GULP1: variants seen among roughly 807,000 people sequenced by gnomAD.
The protein encoded by GULP1 is GULP PTB domain containing engulfment adaptor 1.
Under a neutral mutation model 40.9 loss-of-function variants are expected in GULP1, and 19 were observed. That is an observed-to-expected ratio of 0.46 (90% CI 0.32 to 0.68). The LOEUF (loss-of-function observed/expected upper bound fraction) is 0.68, where lower values mean the gene tolerates loss of function less well. Among genes scored for constraint, GULP1 ranks in the 30% least tolerant of loss-of-function variants. The probability of loss-of-function intolerance (pLI) is 0.03; values close to 1 mark genes in which losing one functional copy is unlikely to be tolerated. For missense variants in GULP1, 312 were observed against 362.2 expected (o/e 0.86, Z 1.12); for synonymous variants, 119 against 117.6 (o/e 1.01, Z -0.08).
intron 1 of GULP1, among the ~76,000 whole-genome samples, chr2:188,328,576 G>A (rs1490779217): frequency 6.6e-6 from 1 of 152,128 alleles, no homozygotes; most frequent in African/African-American, 2.4e-5. Flanking sequence ...AAGTAAAACA[G>A]ATGTTTGCTC....
At chr2:188,353,110 C>G (rs1028460013) in intron 1 of GULP1, among the ~76,000 whole-genome samples, 2 of 152,062 alleles carry the variant, frequency 1.3e-5, no homozygotes, top group Non-Finnish European at 2.9e-5. Context: ...CAAAGTAACA[C>G]ATTCTTTGAG....
chr2:188,561,975 C>T (rs796888475), intron 7 of GULP1, among the ~76,000 whole-genome samples: 2 of 152,318 alleles, frequency 1.3e-5, no homozygotes, highest in African/African-American at 4.8e-5. Flanking sequence ...CCGGCAGCTA[C>T]AGCCAATGCC....
At chr2:188,366,255 C>T (rs1330605532) in intron 1 of GULP1, among the ~76,000 whole-genome samples, 2 of 152,018 alleles carry the variant, frequency 1.3e-5, no homozygotes, top group East Asian at 3.9e-4. Context: ...AGCCCCCAAA[C>T]ACCCCATAAA....
intron 2 of GULP1, among the ~76,000 whole-genome samples, chr2:188,392,987 G>T (rs907457757): frequency 6.6e-6 from 1 of 152,026 alleles, no homozygotes; most frequent in East Asian, 1.9e-4. Flanking sequence ...ATTAAGAATT[G>T]TTCTGTGGCC....
At chr2:188,587,974 A>G in intron 11 of GULP1, 25 bp downstream of exon 11, 1 of 1,112,964 alleles carries the variant, frequency 9.0e-7, no homozygotes, top group Non-Finnish European at 1.4e-6. Context: ...AGACTGGCCC[A>G]TAAATGATTT....
chr2:188,495,623 A>G (rs904083207), intron 4 of GULP1, among the ~76,000 whole-genome samples: 2 of 152,064 alleles, frequency 1.3e-5, no homozygotes, highest in Non-Finnish European at 2.9e-5. Context: ...AAATGAATTA[A>G]AAGTGGACAC....
intron 4 of GULP1, among the ~76,000 whole-genome samples, chr2:188,517,110 A>G (rs1306331981): frequency 6.6e-6 from 1 of 152,146 alleles, no homozygotes; most frequent in African/African-American, 2.4e-5. Context: ...TGCATTTAAT[A>G]AAACATTATT....
At chr2:188,396,191 C>T (rs554912769) in intron 2 of GULP1, among the ~76,000 whole-genome samples, 1 of 152,330 alleles carries the variant, frequency 6.6e-6, no homozygotes. Context: ...AGGGGAAGTA[C>T]TCTGGTTTCT....
At chr2:188,461,357 G>A (rs999076059) in intron 2 of GULP1, among the ~76,000 whole-genome samples, 1 of 100,576 alleles carries the variant, frequency 9.9e-6, no homozygotes, top group Non-Finnish European at 1.9e-5. Context: ...TTTTGCTCTT[G>A]TTGCCCAGGC....
intron 2 of GULP1, among the ~76,000 whole-genome samples, chr2:188,475,393 G>A (rs1160987501): frequency 6.6e-6 from 1 of 150,938 alleles, no homozygotes; most frequent in African/African-American, 2.4e-5. Flanking sequence ...TATGTGAAGA[G>A]TTTTTTTTTG....
chr2:188,419,567 T>A (rs905706205), intron 2 of GULP1, among the ~76,000 whole-genome samples: 12 of 152,128 alleles, frequency 7.9e-5, no homozygotes, highest in African/African-American at 2.4e-4. Flanking sequence ...TTTTTTTTTT[T>A]AATATTGAGT....
intron 6 of GULP1, among the ~76,000 whole-genome samples, chr2:188,540,127 T>C (rs541287755): frequency 6.6e-6 from 1 of 152,222 alleles, no homozygotes; most frequent in South Asian, 2.1e-4. Context: ...GAACTGACTT[T>C]CTGATTGATA....
chr2:188,520,791 G>C (rs953235508), intron 4 of GULP1, among the ~76,000 whole-genome samples: 2 of 152,086 alleles, frequency 1.3e-5, no homozygotes, highest in Admixed American at 1.3e-4. Flanking sequence ...TAATTCGCTT[G>C]CCCTACCTCT....
At chr2:188,404,720 G>C (rs1456623550) in intron 2 of GULP1, among the ~76,000 whole-genome samples, 1 of 152,146 alleles carries the variant, frequency 6.6e-6, no homozygotes, top group Non-Finnish European at 1.5e-5. Flanking sequence ...ACTGGTCCCA[G>C]CAGCCCTGGG....
intron 2 of GULP1, among the ~76,000 whole-genome samples, chr2:188,435,996 C>A (rs546210543): frequency 6.6e-6 from 1 of 152,188 alleles, no homozygotes; most frequent in South Asian, 2.1e-4. Flanking sequence ...AACTCAAAAT[C>A]AACTGTTTTG....
Position 188,296,841 on chromosome 2 carries a change from T to C in GULP1, c.-172+4675T>C, listed in dbSNP as rs191715016. ...ATGTACCTATACATCAGCTGTATCA[T>C]ATACCTCCTGATGAAGAAGTTCAGA... On this transcript the variant is annotated intron_variant, in intron 1 of 11. Coordinates refer to ENST00000409830, the MANE Select transcript of GULP1 (RefSeq NM_016315.4). 5.3e-4 allele frequency among the ~76,000 whole-genome samples: 81 copies of C among 152,200 alleles called. 1 individual carries two copies. The highest frequency in any genetic ancestry group is 1.8e-3 in the African/African-American group (76 of 41,570).
At chr2:188,568,456 G>GAT (rs1241667287) in intron 7 of GULP1, among the ~76,000 whole-genome samples, 1 of 152,150 alleles carries the variant, frequency 6.6e-6, no homozygotes, top group African/African-American at 2.4e-5. Context: ...TGAGCTTGTG[G>GAT]ATGTAAGATA....
intron 7 of GULP1, among the ~76,000 whole-genome samples, chr2:188,563,753 T>C (rs2153418015): frequency 6.6e-6 from 1 of 151,974 alleles, no homozygotes; most frequent in Middle Eastern, 3.4e-3. Flanking sequence ...ATTAAGAGAA[T>C]AAAGTTACAG....
chr2:188,472,400 A>G (rs1017731716), intron 2 of GULP1, among the ~76,000 whole-genome samples: 1 of 152,114 alleles, frequency 6.6e-6, no homozygotes, highest in East Asian at 1.9e-4. Flanking sequence ...TTTAAGGCCA[A>G]TTAACACTTA....
Sources: allele counts gnomAD v4.1 joint callset (sites outside exome capture counted in the v4.1 genomes callset), GRCh38; gene constraint gnomAD v4.1.1; transcripts MANE v1.5; gene names NCBI Gene and HGNC (gene_info 2026-07-23, HGNC 2026-07-21).